RTRAF: variants seen among roughly 807,000 people sequenced by gnomAD.
The protein encoded by RTRAF is RNA transcription, translation and transport factor.
A neutral mutation model predicts 34.4 loss-of-function variants in RTRAF; 14 were observed. The observed-to-expected ratio is 0.41, with a 90% CI of 0.27 to 0.64. RTRAF has a LOEUF of 0.64. RTRAF is among the 30% of genes least tolerant of loss of function. RTRAF has a pLI of 0.34. For synonymous variants in RTRAF, 96 were observed against 95.3 expected (o/e 1.01, Z -0.04); for missense variants, 291 against 288.4 (o/e 1.01, Z -0.06).
chr14:51,998,605 G>A, intron 4 of RTRAF, 25 bp downstream of exon 4: 1 of 1,433,690 alleles, frequency 7.0e-7, no homozygotes. Context: ...GCATAACATT[G>A]AACATCAACA....
intron 6 of RTRAF, 33 bp from the exon 7 acceptor site, chr14:52,004,161 A>G: frequency 6.3e-7 from 1 of 1,577,644 alleles, no homozygotes; most frequent in Non-Finnish European, 8.7e-7. Flanking sequence ...TCTTAACCAT[A>G]AATACTCTCA....
At chr14:51,995,211 A>G (rs1009691662) in intron 3 of RTRAF, among the ~76,000 whole-genome samples, 8 of 152,036 alleles carry the variant, frequency 5.3e-5, no homozygotes, top group African/African-American at 9.7e-5. Flanking sequence ...TTATTATTTT[A>G]GAATGAGAAG....
chr14:51,990,097 A>T (rs1268864509), intron 1 of RTRAF, among the ~76,000 whole-genome samples: 5 of 152,176 alleles, frequency 3.3e-5, no homozygotes, highest in Non-Finnish European at 5.9e-5. Context: ...GTGCTGAGTA[A>T]CTTGAAGACT....
rs1180395564 is a variant in RTRAF, at chr14:52,007,656, CATTTACTAGTACTTAA to C, written c.*3158_*3173del. 1.5e-5 allele frequency: 11 copies of C among 719,190 alleles called. No homozygotes were observed. The highest frequency in any genetic ancestry group is 7.6e-5 in the East Asian group (3 of 39,314). 44.6% of individuals were successfully genotyped at this position (719,190 alleles called of 1,614,324 possible). Reference sequence around the variant, plus strand: ...ACCCCAGAAAGTTCATTTTAAGACTCATTTACTAGTACTTAAATTTACTAGTACTTAAAAGTTTACA... The same window carrying C: ...ACCCCAGAAAGTTCATTTTAAGACTCATTTACTAGTACTTAAAAGTTTACA... On this transcript the variant is annotated 3_prime_UTR_variant, in exon 8 of 8. Transcript: ENST00000261700.
chr14:52,004,684 TAGGAAAGTAG>T lies in RTRAF; in HGVS notation c.*170_*179del. ...TATTGCTTTTTTCTTTAATAAAGTT[TAGGAAAGTAG>T]AATTTTTATTATGTACTGTATGTTT... On this transcript the variant is annotated 3_prime_UTR_variant, in exon 8 of 8. Transcript: ENST00000261700. The T allele has an allele frequency of 1.6e-6, 1 of 612,240 alleles. No individual in the cohort carries two copies. Among genetic ancestry groups the T allele is most frequent in the Non-Finnish European group, 2.7e-6 (1 of 371,246 alleles). The allele number at this position is 612,240 out of a possible 1,614,324, so 37.9% of individuals were successfully genotyped here. A position where few individuals can be genotyped will look rare whatever the true frequency, so the allele number is the denominator to read the frequency against.
chr14:51,991,359 A>G lies in RTRAF; in HGVS notation c.104A>G (p.Gln35Arg), dbSNP rs1890431533. Residue 35 changes from glutamine (Q) to arginine (R), a missense_variant, in exon 2 of 8, where the codon CAG (glutamine) becomes CGG (arginine). By Grantham distance (43) the Gln-to-Arg change is conservative. Transcript: ENST00000261700. ...AACTTCATCGTTTGGCTTGAAGACCAGAAAATCAGGCACTACAAGATTGAA... is the reference window on the plus strand; with the variant it reads ...AACTTCATCGTTTGGCTTGAAGACCGGAAAATCAGGCACTACAAGATTGAA... Reference protein sequence around the residue: ...FRNFIVWLEDQKIRHYKIEDR... With the variant: ...FRNFIVWLEDRKIRHYKIEDR... 3 of 1,613,622 alleles carry G rather than the reference A, an allele frequency of 1.9e-6. No homozygotes were observed. Among genetic ancestry groups the G allele is most frequent in the Non-Finnish European group, 2.5e-6 (3 of 1,179,600 alleles).
chr14:51,992,152 T>C (rs1455304963), intron 2 of RTRAF, among the ~76,000 whole-genome samples: 1 of 152,216 alleles, frequency 6.6e-6, no homozygotes, highest in Non-Finnish European at 1.5e-5. Context: ...CCTTGAATCA[T>C]TTTCCCATTG....
chr14:52,004,731 CT>C lies in RTRAF; in HGVS notation c.*218del. The C allele has an allele frequency of 2.3e-6, 1 of 439,034 alleles. No homozygotes were observed. Among genetic ancestry groups the C allele is most frequent in the South Asian group, 5.0e-5 (1 of 20,046 alleles). 27.2% of individuals were successfully genotyped at this position (439,034 alleles called of 1,614,324 possible). The stretch of plus-strand genomic sequence containing the variant: ...TGTACTGTATGTTTGCATAAATCAC[CT>C]TTCTCCTTTGTGGTTAAGGCATATA... On this transcript the variant is annotated 3_prime_UTR_variant, in exon 8 of 8. Transcript: ENST00000261700.
chr14:52,005,399 T>C lies in RTRAF; in HGVS notation c.*883T>C. 7.4e-7 allele frequency: 1 copy of C among 1,353,648 alleles called. No homozygotes were observed. Among genetic ancestry groups the C allele is most frequent in the Non-Finnish European group, 9.9e-7 (1 of 1,011,388 alleles). The allele number at this position is 1,353,648 out of a possible 1,614,324, so 83.9% of individuals were successfully genotyped here. A position where few individuals can be genotyped will look rare whatever the true frequency, so the allele number is the denominator to read the frequency against. On this transcript the variant is annotated 3_prime_UTR_variant, in exon 8 of 8. Transcript: ENST00000261700. ...CAGGAACGTCTAATGGCCAATTCCT[T>C]TTTTACTTTCTTTGCCTTTGCAGTC...
chr14:52,002,513 A>AAT (rs1010480583), intron 6 of RTRAF, among the ~76,000 whole-genome samples: 1 of 152,182 alleles, frequency 6.6e-6, no homozygotes, highest in African/African-American at 2.4e-5. Context: ...AGGTGACTGA[A>AAT]ATGGTATCTT....
Position 51,998,481 on chromosome 14 carries a change from C to T in RTRAF, c.287-13C>T. The T allele has an allele frequency of 6.7e-7, 1 of 1,484,678 alleles. No homozygotes were observed. Among genetic ancestry groups the T allele is most frequent in the African/African-American group, 1.4e-5 (1 of 69,354 alleles). The allele number at this position is 1,484,678 out of a possible 1,614,324, so 92.0% of individuals were successfully genotyped here. Reference sequence around the variant, plus strand: ...TGCAGTTGTACAAATTATATTTTTGCCTGTTTTTATAGCTGAAAAATACAA... The same window carrying T: ...TGCAGTTGTACAAATTATATTTTTGTCTGTTTTTATAGCTGAAAAATACAA... On this transcript the variant is annotated splice_polypyrimidine_tract_variant and intron_variant, in intron 3 of 7. Transcript: ENST00000261700.
rs781139882 is a variant in RTRAF, at chr14:52,004,530, T to TCAGCTTCTCACCTACTTAGTA, written c.*18_*38dup. 36 of 1,606,692 alleles carry TCAGCTTCTCACCTACTTAGTA rather than the reference T, an allele frequency of 2.2e-5. No individual in the cohort carries two copies. Among genetic ancestry groups the TCAGCTTCTCACCTACTTAGTA allele is most frequent in the Non-Finnish European group, 3.1e-5 (36 of 1,177,744 alleles). On this transcript the variant is annotated 3_prime_UTR_variant, in exon 8 of 8. Transcript: ENST00000261700. ...GTTGGAAGATGAACACTTGAGGACTTCAGCTTCTCACCTACTTAGTACAGT... is the reference window on the plus strand; with the variant it reads ...GTTGGAAGATGAACACTTGAGGACTTCAGCTTCTCACCTACTTAGTACAGCTTCTCACCTACTTAGTACAGT...
At chr14:52,000,344 A>T (rs754205192) in intron 5 of RTRAF, among the ~76,000 whole-genome samples, 11 of 152,146 alleles carry the variant, frequency 7.2e-5, no homozygotes, top group Non-Finnish European at 1.5e-4. Context: ...CTCAGTTCAT[A>T]ACTATACTTC....
chr14:51,991,483 C>T (rs753924231), intron 2 of RTRAF, 42 bp downstream of exon 2: 1 of 1,570,918 alleles, frequency 6.4e-7, no homozygotes, highest in Non-Finnish European at 8.7e-7. Flanking sequence ...GAGAGTTTGT[C>T]TGAAAAATCA....
intron 6 of RTRAF, among the ~76,000 whole-genome samples, chr14:52,002,575 C>T (rs1890617277): frequency 6.6e-6 from 1 of 152,190 alleles, no homozygotes; most frequent in Non-Finnish European, 1.5e-5. Context: ...CTACCTTCCC[C>T]TTAAAGAGAA....
At position 52,010,213 on chromosome 14, in the gene RTRAF, C is replaced by T. The variant is rs1890956475; in HGVS notation, c.*5697C>T. The T allele has an allele frequency of 2.6e-5, 4 of 152,166 alleles. No homozygotes were observed. Among genetic ancestry groups the T allele is most frequent in the Admixed American group, 2.6e-4 (4 of 15,272 alleles). The allele number at this position is 152,166 out of a possible 1,614,324, so 9.4% of individuals were successfully genotyped here. ...AAAAGCACTTACCTGAAAATTAAAG[C>T]TGAAGGTTTTCTTTACTGATTTGAA... On this transcript the variant is annotated 3_prime_UTR_variant, in exon 8 of 8. Coordinates refer to ENST00000261700, the MANE Select transcript of RTRAF (RefSeq NM_016039.3).
intron 2 of RTRAF, 110 bp from the exon 3 acceptor site, chr14:51,993,613 A>T (rs555574959): frequency 1.4e-5 from 9 of 659,020 alleles, no homozygotes; most frequent in East Asian, 3.0e-5. Context: ...TAATGTTATT[A>T]AAAAATTGTT....
Position 51,989,588 on chromosome 14 carries a change from G to C in RTRAF, c.-52G>C, listed in dbSNP as rs1357308272. The C allele has an allele frequency of 6.5e-7, 1 of 1,547,628 alleles. No individual in the cohort carries two copies. The highest frequency in any genetic ancestry group is 8.7e-7 in the Non-Finnish European group (1 of 1,145,394). On this transcript the variant is annotated 5_prime_UTR_variant, in exon 1 of 8. Transcript: ENST00000261700. Reference sequence around the variant, plus strand: ...GTGCCTGCGCCTCCCGCTCCACCTCGCTTCTTCTCTCCCGGCCGAGGCCCG... The same window carrying C: ...GTGCCTGCGCCTCCCGCTCCACCTCCCTTCTTCTCTCCCGGCCGAGGCCCG...
In RTRAF at chr14:52,004,559, G is replaced by T; in HGVS notation, c.*43G>T. ...CTTCTCACCTACTTAGTACAGTTGG[G>T]AACCATACACTTCTGGCATGTTTGG... On this transcript the variant is annotated 3_prime_UTR_variant, in exon 8 of 8. Transcript: ENST00000261700. 6.4e-7 allele frequency: 1 copy of T among 1,556,450 alleles called. No homozygotes were observed. Among genetic ancestry groups the T allele is most frequent in the Non-Finnish European group, 8.7e-7 (1 of 1,149,176 alleles).
Sources: gnomAD v4.1 joint callset for allele counts (sites outside exome capture counted in the v4.1 genomes callset) on GRCh38, gnomAD v4.1.1 for gene constraint, MANE v1.5 for transcripts, NCBI Gene and HGNC (gene_info 2026-07-23, HGNC 2026-07-21) for gene names.